DYM: variants seen among roughly 807,000 people sequenced by gnomAD.
DYM encodes the protein dymeclin, also known as dyggve-Melchior-Clausen syndrome protein.
A neutral mutation model predicts 93.1 loss-of-function variants in DYM; 78 were observed. The observed-to-expected ratio is 0.84, with a 90% confidence interval of 0.70 to 1.01. The LOEUF (loss-of-function observed/expected upper bound fraction) is 1.01. Among genes scored for constraint, DYM ranks in the 50% least tolerant of loss-of-function variants. DYM has a pLI of 0.00. For synonymous variants in DYM, 321 were observed against 319.7 expected (o/e 1.00, Z -0.04); for missense variants, 789 against 845.0 (o/e 0.93, Z 0.82).
intron 1 of DYM, among the ~76,000 whole-genome samples, chr18:49,432,981 T>A (rs1388909295): frequency 3.3e-5 from 5 of 152,178 alleles, no homozygotes; most frequent in African/African-American, 1.2e-4. Flanking sequence ...CATTTTCTGA[T>A]TTGCCAAGAT....
chr18:49,350,522 T>G (rs1282940913), intron 6 of DYM, among the ~76,000 whole-genome samples: 1 of 151,634 alleles, frequency 6.6e-6, no homozygotes, highest in Non-Finnish European at 1.5e-5. Context: ...CCTGGCCAAC[T>G]TGGTGAAACC....
At chr18:49,381,386 T>C (rs1360615085) in intron 3 of DYM, among the ~76,000 whole-genome samples, 3 of 152,168 alleles carry the variant, frequency 2.0e-5, no homozygotes, top group Non-Finnish European at 2.9e-5. Context: ...CCCTGCTGCA[T>C]ATATATTTTT....
rs58109350 is a variant in DYM at position 49,201,000 on chromosome 18, T to C, written c.1625+8551A>G. ...TGTATGGCTGGAAAATAATCCAGAATCACGTATTATGCTATATCTTTAGTA... is the reference window on the plus strand; with the variant it reads ...TGTATGGCTGGAAAATAATCCAGAACCACGTATTATGCTATATCTTTAGTA... On this transcript the variant is annotated intron_variant, in intron 14 of 17. Coordinates refer to ENST00000675505, the MANE Select transcript of DYM (RefSeq NM_001353214.3). Among the ~76,000 whole-genome samples, 378 of 152,284 alleles carry C rather than the reference T, an allele frequency of 2.5e-3. 2 individuals carry two copies. Among genetic ancestry groups the C allele is most frequent in the African/African-American group, 7.6e-3 (317 of 41,580 alleles).
intron 6 of DYM, among the ~76,000 whole-genome samples, chr18:49,350,645 G>A (rs1162857479): frequency 1.3e-5 from 2 of 150,524 alleles, no homozygotes; most frequent in Non-Finnish European, 2.9e-5. Context: ...GGCGGAGGTT[G>A]CAGTGAGCCA....
chr18:49,087,419 C>A (rs1271251147), intron 17 of DYM, among the ~76,000 whole-genome samples: 1 of 152,112 alleles, frequency 6.6e-6, no homozygotes, highest in Admixed American at 6.5e-5. Flanking sequence ...AAGAATAAAA[C>A]TGCTTAAAAA....
intron 6 of DYM, among the ~76,000 whole-genome samples, chr18:49,360,097 T>C (rs1471212647): frequency 1.3e-5 from 2 of 152,154 alleles, no homozygotes; most frequent in Non-Finnish European, 1.5e-5. Flanking sequence ...TATAAACACA[T>C]TAAAACACTG....
chr18:49,288,396 T>C (rs2059801798), intron 8 of DYM, among the ~76,000 whole-genome samples: 1 of 152,220 alleles, frequency 6.6e-6, no homozygotes. Context: ...ATCTTTAGGC[T>C]GACAACCATA....
At chr18:49,433,035 C>G (rs1325182437) in intron 1 of DYM, among the ~76,000 whole-genome samples, 2 of 152,192 alleles carry the variant, frequency 1.3e-5, no homozygotes, top group Non-Finnish European at 2.9e-5. Flanking sequence ...ACAAGATGTA[C>G]TCCTTCCACA....
chr18:49,441,276 T>TATATATA (rs1237629214), intron 1 of DYM, among the ~76,000 whole-genome samples: 1 of 43,296 alleles, frequency 2.3e-5, no homozygotes, highest in African/African-American at 9.3e-5. Flanking sequence ...ATAATATATA[T>TATATATA]TATATAATTA....
At chr18:49,115,442 A>G (rs377320732) in intron 16 of DYM, among the ~76,000 whole-genome samples, 2 of 152,262 alleles carry the variant, frequency 1.3e-5, no homozygotes, top group South Asian at 2.1e-4. Flanking sequence ...GCAGACATAC[A>G]TAGTCCATAG....
chr18:49,134,069 GA>G (rs1292320880), intron 15 of DYM, among the ~76,000 whole-genome samples: 1 of 152,172 alleles, frequency 6.6e-6, no homozygotes, highest in Non-Finnish European at 1.5e-5. Flanking sequence ...TTGATTGATA[GA>G]AGAACAGAGA....
Position 49,097,399 on chromosome 18 carries a change from T to C in DYM, c.2025+3A>G. 1 of 1,613,812 alleles carries C rather than the reference T, an allele frequency of 6.2e-7. No individual in the cohort carries two copies. Among genetic ancestry groups the C allele is most frequent in the South Asian group, 1.1e-5 (1 of 91,078 alleles). On this transcript the variant is annotated splice_donor_region_variant and intron_variant, in intron 17 of 17. Transcript: ENST00000675505. ...CAAGTGGACATTTCTTTAGCCTTCT[T>C]ACCTTCAGTCTGTCTTTGGGCAGCG...
chr18:49,127,898 C>T (rs982910875), intron 15 of DYM, among the ~76,000 whole-genome samples: 3 of 152,142 alleles, frequency 2.0e-5, no homozygotes, highest in South Asian at 2.1e-4. Context: ...GAGGGGGAGG[C>T]GGTGAGCAGA....
At chr18:49,052,385 T>C (rs2075102126) in intron 17 of DYM, among the ~76,000 whole-genome samples, 1 of 152,248 alleles carries the variant, frequency 6.6e-6, no homozygotes, top group Non-Finnish European at 1.5e-5. Flanking sequence ...CCCTCTAAGA[T>C]GTCTTAGAAG....
chr18:49,391,806 A>C (rs1372669264), intron 2 of DYM, among the ~76,000 whole-genome samples, 161 bp from the exon 3 acceptor site: 1 of 152,170 alleles, frequency 6.6e-6, no homozygotes, highest in Non-Finnish European at 1.5e-5. Context: ...GTTAGGCTTC[A>C]ATTTTCAATA....
chr18:49,154,506 G>A (rs558317523), intron 15 of DYM, among the ~76,000 whole-genome samples: 6 of 151,750 alleles, frequency 4.0e-5, no homozygotes, highest in Non-Finnish European at 8.8e-5. Flanking sequence ...GCAGTTCTCC[G>A]GCCTCAGTCT....
intron 13 of DYM, among the ~76,000 whole-genome samples, chr18:49,219,658 CAT>C (rs1175471914): frequency 6.6e-6 from 1 of 152,100 alleles, no homozygotes; most frequent in Non-Finnish European, 1.5e-5. Flanking sequence ...ACAAAAACCA[CAT>C]GATTATCTCA....
chr18:49,255,552 A>C (rs981318825), intron 13 of DYM, among the ~76,000 whole-genome samples: 6 of 151,284 alleles, frequency 4.0e-5, no homozygotes, highest in Non-Finnish European at 8.8e-5. Context: ...GTGTGCCTGT[A>C]ATTCCAGTTA....
At chr18:49,349,098 C>T (rs1368348298) in intron 6 of DYM, among the ~76,000 whole-genome samples, 2 of 152,034 alleles carry the variant, frequency 1.3e-5, no homozygotes, top group Non-Finnish European at 2.9e-5. Flanking sequence ...ATCCCAGCTA[C>T]TGGTGAGGCT....
Sources: gnomAD v4.1 joint callset for allele counts (sites outside exome capture counted in the v4.1 genomes callset) on GRCh38, gnomAD v4.1.1 for gene constraint, MANE v1.5 for transcripts, NCBI Gene and HGNC (gene_info 2026-07-23, HGNC 2026-07-21) for gene names.